The following CCT6A variants were observed in gnomAD, a reference collection of about 807,000 sequenced individuals.
The protein encoded by CCT6A is T-complex protein 1 subunit zeta.
Under a neutral mutation model 58.6 loss-of-function variants are expected in CCT6A, and 6 were observed. The ratio of observed to expected loss-of-function variants is 0.10; its 90% confidence interval spans 0.06 to 0.20. The LOEUF (loss-of-function observed/expected upper bound fraction) is 0.20. CCT6A is among the 10% of genes least tolerant of loss of function. CCT6A has a pLI of 1.00. For synonymous variants in CCT6A, 245 were observed against 227.8 expected, an observed-to-expected ratio of 1.08 and a Z score of -0.68; for missense variants, 516 against 648.8, an observed-to-expected ratio of 0.80 and a Z score of 2.22.
chr7:56,062,285 A>C (rs1353442528), intron 12 of CCT6A, among the ~76,000 whole-genome samples: 5 of 152,222 alleles, frequency 3.3e-5, no homozygotes, highest in African/African-American at 1.2e-4. Context: ...CCTGTAACAA[A>C]ACAACACAAA....
At chr7:56,060,592 T>G in intron 10 of CCT6A, 176 bp downstream of exon 10, 1 of 934,230 alleles carries the variant, frequency 1.1e-6, no homozygotes, top group South Asian at 1.3e-5. Flanking sequence ...TTATTAAAGG[T>G]GAATACAAAT....
In CCT6A at chr7:56,052,297, C is replaced by T. The variant is rs1794134828; in HGVS notation, c.138-125C>T. ...GGTGGGCACTACACCTGTCCTCCAT[C>T]CTGCTGGACATAACTAGCCCCACAT... On this transcript the variant is annotated intron_variant, in intron 1 of 13. Transcript: ENST00000275603. 9 of 832,702 alleles carry T rather than the reference C, an allele frequency of 1.1e-5. No homozygotes were observed. In the South Asian group the frequency reaches 1.3e-4, roughly 12 times the overall value. 51.6% of individuals were successfully genotyped at this position (832,702 alleles called of 1,614,324 possible). A position where few individuals can be genotyped will look rare whatever the true frequency, so the allele number is the denominator to read the frequency against.
At position 56,051,801 on chromosome 7, in the gene CCT6A, C is replaced by G. The variant is rs1289136670; in HGVS notation, c.-48C>G. ...ATAGTTCCTCCCGGCCACGCCGCGC[C>G]GGCTCTGGGCACTCAGCATCGTTTC... On this transcript the variant is annotated 5_prime_UTR_variant, in exon 1 of 14. Transcript: ENST00000275603. 9.1e-6 allele frequency: 14 copies of G among 1,537,866 alleles called. No individual in the cohort carries two copies. The highest frequency in any genetic ancestry group is 1.1e-5 in the Non-Finnish European group (13 of 1,141,818).
Position 56,058,463 on chromosome 7 carries a change from A to G in CCT6A, c.827A>G (p.Glu276Gly). Residue 276 changes from glutamate to glycine, a missense_variant, in exon 7 of 14, where the codon GAA becomes GGA. Glu to Gly is a moderately conservative substitution (Grantham distance 98, BLOSUM62 -2). This residue lies in a region of CCT6A where 315 missense variants were observed against 389.4 expected (regional missense o/e 0.81). Coordinates refer to ENST00000275603, the MANE Select transcript of CCT6A (RefSeq NM_001762.4). Reference protein sequence around the residue: ...FIEDRVKKIIELKRKVCGDSD... With the variant: ...FIEDRVKKIIGLKRKVCGDSD... ...GAAGATAGGGTTAAAAAAATAATAG[A>G]ACTGAAAAGGAAAGTCTGTGGCGAT... 1.2e-6 allele frequency: 2 copies of G among 1,601,778 alleles called. No individual in the cohort carries two copies. The highest frequency in any genetic ancestry group is 1.7e-6 in the Non-Finnish European group (2 of 1,176,450).
chr7:56,051,824 T>C lies in CCT6A; in HGVS notation c.-25T>C, dbSNP rs1176041527. On this transcript the variant is annotated 5_prime_UTR_variant, in exon 1 of 14. Coordinates refer to ENST00000275603, the MANE Select transcript of CCT6A (RefSeq NM_001762.4). ...GCCGGCTCTGGGCACTCAGCATCGT[T>C]TCCTTTTCCTCCGCTGGAGCAGCTA... 53 of 1,549,640 alleles carry C rather than the reference T, an allele frequency of 3.4e-5. No homozygotes were observed. Among genetic ancestry groups the C allele is most frequent in the Non-Finnish European group, 4.4e-5 (51 of 1,147,412 alleles).
chr7:56,051,930 C>T lies in CCT6A; in HGVS notation c.82C>T (p.Arg28Trp). The change falls in exon 1 of 14, where the codon CGG (arginine) becomes TGG (tryptophan). Residue 28 changes from arginine (R) to tryptophan (W), a missense_variant. Physicochemically the swap from Arg to Trp is moderately radical, Grantham distance 101. Around this residue, in one of 3 missense-constraint regions of CCT6A, gnomAD observed 116 missense variants for 184.5 expected, o/e 0.63. Transcript: ENST00000275603. ...GCTGGCGGTCAACATCAGCGCAGCGCGGGGTCTGCAGGACGTGCTAAGGAC... is the reference window on the plus strand; with the variant it reads ...GCTGGCGGTCAACATCAGCGCAGCGTGGGGTCTGCAGGACGTGCTAAGGAC... ...AALAVNISAA[R>W]GLQDVLRTNL... 6.5e-7 allele frequency: 1 copy of T among 1,545,136 alleles called. No individual in the cohort carries two copies. The highest frequency in any genetic ancestry group is 8.7e-7 in the Non-Finnish European group (1 of 1,143,668).
At position 56,056,367 on chromosome 7, in the gene CCT6A, C is replaced by T; in HGVS notation, c.567C>T (p.Phe189=). The T allele has an allele frequency of 6.3e-7, 1 of 1,598,940 alleles. No homozygotes were observed. The highest frequency in any genetic ancestry group is 8.6e-7 in the Non-Finnish European group (1 of 1,166,168). ...AGCAAGATGAACCTATTGATCTCTT[C>T]ATGATTGAGATCATGGAGATGAAAC... ...IKKQDEPIDL[F]MIEIMEMKHK... is the part of the protein sequence containing the mutation. The change falls in exon 5 of 14, where the codon TTC becomes TTT. Residue 189 remains phenylalanine (F), a synonymous_variant. Transcript: ENST00000275603.
At position 56,058,703 on chromosome 7, in the gene CCT6A, G is replaced by T; in HGVS notation, c.968+1G>T. On this transcript the variant is annotated splice_donor_variant, in intron 8 of 13. Coordinates refer to ENST00000275603, the MANE Select transcript of CCT6A (RefSeq NM_001762.4). LOFTEE classifies it high-confidence loss of function. ...GAGCTAAAAGGAGAAATATGGAGAG[G>T]TATCCGAGTAATTTGACTTTTACTC... The T allele has an allele frequency of 6.6e-7, 1 of 1,511,842 alleles. No individual in the cohort carries two copies. Among genetic ancestry groups the T allele is most frequent in the South Asian group, 1.2e-5 (1 of 85,434 alleles). 93.7% of individuals were successfully genotyped at this position (1,511,842 alleles called of 1,614,324 possible).
At chr7:56,062,562 G>A (rs1256867205) in intron 12 of CCT6A, 121 bp from the exon 13 acceptor site, 3 of 838,832 alleles carry the variant, frequency 3.6e-6, no homozygotes, top group Non-Finnish European at 6.0e-6. Context: ...GGCTAACAGA[G>A]AAGCTTTGAA....
chr7:56,062,333 A>G (rs1794466173), intron 12 of CCT6A, among the ~76,000 whole-genome samples: 1 of 152,246 alleles, frequency 6.6e-6, no homozygotes, highest in Non-Finnish European at 1.5e-5. Flanking sequence ...ACCTCCATGC[A>G]GTATGTGCAA....
At chr7:56,054,579 G>A (rs753221593) in intron 3 of CCT6A, 76 bp downstream of exon 3, 9 of 1,414,622 alleles carry the variant, frequency 6.4e-6, no homozygotes, top group Non-Finnish European at 7.8e-6. Context: ...TTGATGTGCT[G>A]TTAATAGTAG....
rs1182022011 is a variant in CCT6A, at chr7:56,059,298, GC to G, written c.969-245del. On this transcript the variant is annotated intron_variant, in intron 8 of 13. Coordinates refer to ENST00000275603, the MANE Select transcript of CCT6A (RefSeq NM_001762.4). The stretch of plus-strand genomic sequence containing the variant: ...TTACAGGTGTGAGCCACCATGCCTG[GC>G]TAATAAAGAGCTCTTGTCCACCTTT... Among the ~76,000 whole-genome samples the G allele has an allele frequency of 2.6e-5, 4 of 152,142 alleles. No homozygotes were observed. In the East Asian group the frequency reaches 7.7e-4, roughly 29 times the overall value.
At position 56,063,139 on chromosome 7, in the gene CCT6A, T is replaced by A. The variant is rs12555; in HGVS notation, c.*54T>A. On this transcript the variant is annotated 3_prime_UTR_variant, in exon 14 of 14. Coordinates refer to ENST00000275603, the MANE Select transcript of CCT6A (RefSeq NM_001762.4). Reference sequence around the variant, plus strand: ...GAAGACTGCAAAGTGATCCTGAGGATTACAGCTGTGGAATTTTTGTCCAAG... The same window carrying A: ...GAAGACTGCAAAGTGATCCTGAGGAATACAGCTGTGGAATTTTTGTCCAAG... The A allele has an allele frequency of 0.027, 33,231 of 1,221,244 alleles. 787 individuals are homozygous for A. Among genetic ancestry groups the A allele is most frequent in the Admixed American group, 0.088 (5,084 of 57,970 alleles). 75.7% of individuals were successfully genotyped at this position (1,221,244 alleles called of 1,614,324 possible).
chr7:56,057,300 G>A (rs1794329310), intron 5 of CCT6A, among the ~76,000 whole-genome samples: 1 of 152,042 alleles, frequency 6.6e-6, no homozygotes, highest in African/African-American at 2.4e-5. Context: ...AGTAGTAGAG[G>A]AATTTAAAAA....
intron 3 of CCT6A, 120 bp from the exon 4 acceptor site, chr7:56,055,504 A>C: frequency 1.2e-6 from 1 of 830,932 alleles, no homozygotes; most frequent in Non-Finnish European, 2.0e-6. Flanking sequence ...AGCACATTAT[A>C]TTACCTCGTG....
At position 56,058,467 on chromosome 7, in the gene CCT6A, G is replaced by A. The variant is rs754238577; in HGVS notation, c.831G>A (p.Leu277=). Residue 277 remains leucine, a synonymous_variant, in exon 7 of 14, where the codon CTG becomes CTA. Transcript: ENST00000275603. ...IEDRVKKIIE[L]KRKVCGDSDK... is the part of the protein sequence containing the mutation. ...ATAGGGTTAAAAAAATAATAGAACT[G>A]AAAAGGAAAGTCTGTGGCGATTCAG... The A allele has an allele frequency of 6.2e-7, 1 of 1,600,296 alleles. No individual in the cohort carries two copies. Among genetic ancestry groups the A allele is most frequent in the South Asian group, 1.1e-5 (1 of 87,602 alleles).
At chr7:56,058,316 T>C in intron 6 of CCT6A, 46 bp from the exon 7 acceptor site, 1 of 1,416,184 alleles carries the variant, frequency 7.1e-7, no homozygotes, top group Non-Finnish European at 9.6e-7. Flanking sequence ...AGAAGCTGCT[T>C]TCTTAATGTT....
chr7:56,057,184 C>A (rs900739206), intron 5 of CCT6A, among the ~76,000 whole-genome samples: 6 of 151,934 alleles, frequency 3.9e-5, no homozygotes, highest in Non-Finnish European at 7.4e-5. Context: ...AATATTTTCT[C>A]CTGAAATAAG....
At chr7:56,052,022 C>A in intron 1 of CCT6A, 37 bp downstream of exon 1, 3 of 1,393,622 alleles carry the variant, frequency 2.2e-6, no homozygotes, top group South Asian at 3.3e-5. Context: ...GGGCGGGCAC[C>A]GCGCGCCGCC....
Sources: gnomAD v4.1 joint callset for allele counts (sites outside exome capture counted in the v4.1 genomes callset) on GRCh38, gnomAD v4.1.1 for gene constraint, gnomAD v4.1.1 regional missense constraint, MANE v1.5 for transcripts, NCBI Gene and HGNC (gene_info 2026-07-23, HGNC 2026-07-21) for gene names.